ETV6: variants seen among roughly 807,000 people sequenced by gnomAD.
ETV6 encodes transcription factor ETV6.
A neutral mutation model predicts 51.1 loss-of-function variants in ETV6; 16 were observed. The observed-to-expected ratio is 0.31, with a 90% CI of 0.21 to 0.48. The LOEUF is 0.48. Among genes scored for constraint, ETV6 ranks in the 20% least tolerant of loss-of-function variants. The probability of loss-of-function intolerance (pLI) is 0.99; values close to 1 mark genes in which losing one functional copy is unlikely to be tolerated. For synonymous variants in ETV6, 240 were observed against 224.1 expected (o/e 1.07, Z -0.64); for missense variants, 458 against 594.8 (o/e 0.77, Z 2.39).
At chr12:11,669,381 CCCTCCCTCCCTCCTTT>C (rs1864264270) in intron 1 of ETV6, among the ~76,000 whole-genome samples, 1 of 28,084 alleles carries the variant, frequency 3.6e-5, no homozygotes, top group Non-Finnish European at 2.1e-4. Flanking sequence ...CTTCCTCCCT[CCCTCCCTCCCTCCTTT>C]CCTCCTTTCC....
At chr12:11,750,799 T>C in intron 1 of ETV6, 1 of 164,750 alleles carries the variant, frequency 6.1e-6, no homozygotes. Flanking sequence ...GGGCTTTTTT[T>C]TTTTTTTTTT....
intron 1 of ETV6, among the ~76,000 whole-genome samples, chr12:11,720,695 A>G (rs1030569104): frequency 2.0e-5 from 3 of 152,204 alleles, no homozygotes; most frequent in African/African-American, 4.8e-5. Flanking sequence ...AGTCCCCAAA[A>G]GCAATTGCAA....
intron 1 of ETV6, among the ~76,000 whole-genome samples, chr12:11,677,131 T>C (rs940284303): frequency 6.6e-6 from 1 of 152,242 alleles, no homozygotes; most frequent in African/African-American, 2.4e-5. Context: ...GGGAGGTCTA[T>C]TCTCTCTACA....
Position 11,891,273 on chromosome 12 carries a change from T to C in ETV6, c.*227T>C. On this transcript the variant is annotated 3_prime_UTR_variant, in exon 8 of 8. Transcript: ENST00000396373. ...CTGGCGGAGGGCATGAGCCTGGGAC[T>C]CCATGTCACGTTTCCTTCTGATTTG... 2 of 470,976 alleles carry C rather than the reference T, an allele frequency of 4.2e-6. No homozygotes were observed. Among genetic ancestry groups the C allele is most frequent in the African/African-American group, 2.0e-5 (1 of 51,036 alleles). 29.2% of individuals were successfully genotyped at this position (470,976 alleles called of 1,614,324 possible).
At chr12:11,753,833 C>T (rs2121074495) in intron 2 of ETV6, among the ~76,000 whole-genome samples, 1 of 152,356 alleles carries the variant, frequency 6.6e-6, no homozygotes, top group Middle Eastern at 3.4e-3. Flanking sequence ...TTGCTGCGTC[C>T]ATCAGTATTT....
In ETV6 at chr12:11,891,056, C is replaced by G. The variant is rs758937321; in HGVS notation, c.*10C>G. The G allele has an allele frequency of 6.9e-6, 11 of 1,600,746 alleles. No homozygotes were observed. The Middle Eastern group carries it at 5.0e-4, about 72-fold the overall frequency. The stretch of plus-strand genomic sequence containing the variant: ...AGAAGATGAATGCTGAAGGAACCAA[C>G]AGTCCACCTCAGCGGGCCAGCAGCC... On this transcript the variant is annotated 3_prime_UTR_variant, in exon 8 of 8. Transcript: ENST00000396373.
At chr12:11,711,720 C>G (rs2120883968) in intron 1 of ETV6, among the ~76,000 whole-genome samples, 1 of 152,336 alleles carries the variant, frequency 6.6e-6, no homozygotes, top group African/African-American at 2.4e-5. Flanking sequence ...GGGACATACT[C>G]TTAATGACTG....
chr12:11,660,184 T>C (rs373809213), intron 1 of ETV6, among the ~76,000 whole-genome samples: 2 of 152,304 alleles, frequency 1.3e-5, no homozygotes, highest in East Asian at 1.9e-4. Context: ...GTACAACTAT[T>C]ATATATCAAC....
intron 2 of ETV6, among the ~76,000 whole-genome samples, chr12:11,810,324 G>A (rs918251906): frequency 6.6e-6 from 1 of 152,198 alleles, no homozygotes; most frequent in Admixed American, 6.5e-5. Flanking sequence ...GAAAGCCCTT[G>A]AATGTAAACC....
chr12:11,806,006 G>A (rs7300961), intron 2 of ETV6, among the ~76,000 whole-genome samples: 24,492 of 152,202 alleles, frequency 0.16, 2,160 homozygotes, highest in Middle Eastern at 0.23. Context: ...TGTATACCTT[G>A]TCAGGTACTT....
At chr12:11,674,901 T>C (rs1565482008) in intron 1 of ETV6, among the ~76,000 whole-genome samples, 1 of 152,082 alleles carries the variant, frequency 6.6e-6, no homozygotes, top group African/African-American at 2.4e-5. Flanking sequence ...GGATGACGGG[T>C]AAATCTGGTG....
At chr12:11,728,481 G>T (rs1865532696) in intron 1 of ETV6, among the ~76,000 whole-genome samples, 2 of 152,114 alleles carry the variant, frequency 1.3e-5, no homozygotes, top group Admixed American at 1.3e-4. Flanking sequence ...CACATGTGAG[G>T]GATCTAGGTT....
intron 2 of ETV6, among the ~76,000 whole-genome samples, chr12:11,761,393 G>A (rs1945084334): frequency 6.6e-6 from 1 of 152,122 alleles, no homozygotes; most frequent in Admixed American, 6.5e-5. Context: ...TGTAAATTCT[G>A]GAGTGTTAGA....
chr12:11,669,313 TCTTTCCTTCCTCCCTCCCTCCCTC>T (rs1289655922), intron 1 of ETV6, among the ~76,000 whole-genome samples: 4 of 149,648 alleles, frequency 2.7e-5, no homozygotes, highest in African/African-American at 1.0e-4. Context: ...TGGATGGACT[TCTTTCCTTCCTCCCTCCCTCCCTC>T]CTTTCCTCCC....
At chr12:11,794,279 A>G (rs1033943131) in intron 2 of ETV6, among the ~76,000 whole-genome samples, 1 of 152,188 alleles carries the variant, frequency 6.6e-6, no homozygotes. Context: ...GCTAAGCTCA[A>G]AGACAAGGAA....
At chr12:11,653,765 G>T (rs1325000176) in intron 1 of ETV6, among the ~76,000 whole-genome samples, 2 of 152,050 alleles carry the variant, frequency 1.3e-5, no homozygotes, top group Non-Finnish European at 2.9e-5. Flanking sequence ...GAGCACTCCT[G>T]GGGGGTCTGT....
intron 2 of ETV6, among the ~76,000 whole-genome samples, chr12:11,796,779 T>TG (rs35668980): frequency 0.52 from 72,751 of 141,114 alleles, 18,679 homozygotes; most frequent in Non-Finnish European, 0.56. Flanking sequence ...TTTTTTTTTT[T>TG]TGTGTGTGTG....
chr12:11,884,193 TATC>T (rs562775818), intron 5 of ETV6, among the ~76,000 whole-genome samples: 1 of 152,218 alleles, frequency 6.6e-6, no homozygotes, highest in East Asian at 1.9e-4. Context: ...TGGGTCACTG[TATC>T]ATCATCTGTG....
At chr12:11,716,279 G>A (rs995927235) in intron 1 of ETV6, among the ~76,000 whole-genome samples, 5 of 140,100 alleles carry the variant, frequency 3.6e-5, no homozygotes, top group East Asian at 2.1e-4. Flanking sequence ...TGCAGTGAGC[G>A]GAGATCATGC....
Sources: gnomAD v4.1 joint callset for allele counts (sites outside exome capture counted in the v4.1 genomes callset) on GRCh38, gnomAD v4.1.1 for gene constraint, MANE v1.5 for transcripts, NCBI Gene and HGNC (gene_info 2026-07-23, HGNC 2026-07-21) for gene names.